Variants in KCNQ1 observed in about 807,000 individuals in gnomAD.
KCNQ1 encodes potassium voltage-gated channel subfamily Q member 1, also known as potassium voltage-gated channel subfamily KQT member 1.
KCNQ1 carries 49 observed loss-of-function variants against 72.4 expected under a neutral mutation model. That is an observed-to-expected ratio of 0.68 (90% CI 0.54 to 0.86). The LOEUF is 0.86. Ranked by LOEUF, KCNQ1 falls within the 40% of genes least tolerant of loss-of-function variation. KCNQ1 has a pLI of 0.00. For missense variants in KCNQ1, 790 were observed against 945.1 expected, an observed-to-expected ratio of 0.84 and a Z score of 2.15; for synonymous variants, 450 against 412.6, an observed-to-expected ratio of 1.09 and a Z score of -1.10.
intron 10 of KCNQ1, chr11:2,646,579 G>A: frequency 5.0e-6 from 2 of 398,626 alleles, no homozygotes; most frequent in South Asian, 1.3e-4. Flanking sequence ...AGGCTGGGGT[G>A]CAATGGTGCA....
chr11:2,633,936 G>A, intron 10 of KCNQ1: 1 of 398,510 alleles, frequency 2.5e-6, no homozygotes, highest in Non-Finnish European at 4.4e-6. Flanking sequence ...TAGATTATGG[G>A]GAAAATCCAC....
rs1358837167 is a variant in KCNQ1 at position 2,769,812 on chromosome 11, G to A, written c.1590+893G>A. ...GTGTCTGCAGGAGCAGGGCAGGGTG[G>A]GGCTTCTGAGCTGGGGGCCCCTGGC... On this transcript the variant is annotated intron_variant, in intron 12 of 15. Transcript: ENST00000155840. The surrounding 1 kb of genome is among the most constrained non-coding windows in gnomAD (Gnocchi z 4.6). 1.3e-5 allele frequency among the ~76,000 whole-genome samples: 2 copies of A among 152,062 alleles called. No homozygotes were observed. The highest frequency in any genetic ancestry group is 4.8e-5 in the African/African-American group (2 of 41,392).
chr11:2,829,553 G>A lies in KCNQ1; in HGVS notation c.1795-18214G>A, dbSNP rs146119716. Among the ~76,000 whole-genome samples, 720 of 152,270 alleles carry A rather than the reference G, an allele frequency of 4.7e-3. 3 individuals carry two copies. The highest frequency in any genetic ancestry group is 0.01 in the Middle Eastern group (3 of 294). ...GAGTTATATACTGTTTGTGTAAAAT[G>A]CAAACAGTAAGTACTTATTTAGCCT... On this transcript the variant is annotated intron_variant, in intron 15 of 15. Transcript: ENST00000155840.
chr11:2,608,393 T>G lies in KCNQ1; in HGVS notation c.1393+19539T>G, dbSNP rs1330441765. ...AATTTCATCTAAGTTTTATAATTTA[T>G]TGGCACAAAATTGTTCATAGTGTTC... On this transcript the variant is annotated intron_variant, in intron 10 of 15. Coordinates refer to ENST00000155840, the MANE Select transcript of KCNQ1 (RefSeq NM_000218.3). This position sits in a 1 kb window ranked among gnomAD's most constrained non-coding sequence, Gnocchi z 4.6. 2 of 398,652 alleles carry G rather than the reference T, an allele frequency of 5.0e-6. No individual in the cohort carries two copies. The highest frequency in any genetic ancestry group is 8.8e-6 in the Non-Finnish European group (2 of 226,060). 24.7% of individuals were successfully genotyped at this position (398,652 alleles called of 1,614,324 possible). A position where few individuals can be genotyped will look rare whatever the true frequency, so the allele number is the denominator to read the frequency against.
At chr11:2,733,857 C>CGCTCTTTCTCTCT (rs147278439) in intron 11 of KCNQ1, among the ~76,000 whole-genome samples, 813 of 76,322 alleles carry the variant, frequency 0.011, 71 homozygotes, top group African/African-American at 0.029. Flanking sequence ...CTCTCTCTCT[C>CGCTCTTTCTCTCT]CCCCCCCACT....
At chr11:2,812,102 A>G (rs1278913572) in intron 15 of KCNQ1, among the ~76,000 whole-genome samples, 1 of 152,016 alleles carries the variant, frequency 6.6e-6, no homozygotes, top group Admixed American at 6.6e-5. Flanking sequence ...CCAGGCACCC[A>G]TGCTCCCTGC....
At position 2,613,591 on chromosome 11, in the gene KCNQ1, T is replaced by G. The variant is rs1224248815; in HGVS notation, c.1393+24737T>G. The G allele has an allele frequency of 2.5e-6, 1 of 398,464 alleles. No homozygotes were observed. Among genetic ancestry groups the G allele is most frequent in the African/African-American group, 2.1e-5 (1 of 48,616 alleles). The allele number at this position is 398,464 out of a possible 1,614,324, so 24.7% of individuals were successfully genotyped here. ...ATATTTTTTCTTTAATTAGCACTTT[T>G]CAATTTTATATTTCTTTGTCCAGTT... On this transcript the variant is annotated intron_variant, in intron 10 of 15. Coordinates refer to ENST00000155840, the MANE Select transcript of KCNQ1 (RefSeq NM_000218.3). This position sits in a 1 kb window ranked among gnomAD's most constrained non-coding sequence, Gnocchi z 4.8.
At position 2,815,422 on chromosome 11, in the gene KCNQ1, G is replaced by C. The variant is rs781138444; in HGVS notation, c.1795-32345G>C. ...ATGCTGAGGCCCACAGGGTAGTTCT[G>C]AGTTCGGGGGACCCTCTCCTGGCCC... On this transcript the variant is annotated intron_variant, in intron 15 of 15. Transcript: ENST00000155840. This position sits in a 1 kb window ranked among gnomAD's most constrained non-coding sequence, Gnocchi z 5.4. 6.6e-6 allele frequency among the ~76,000 whole-genome samples: 1 copy of C among 152,152 alleles called. No individual in the cohort carries two copies. The highest frequency in any genetic ancestry group is 1.5e-5 in the Non-Finnish European group (1 of 68,018).
At chr11:2,470,843 T>C (rs1448280004) in intron 1 of KCNQ1, among the ~76,000 whole-genome samples, 1 of 152,206 alleles carries the variant, frequency 6.6e-6, no homozygotes, top group African/African-American at 2.4e-5. Flanking sequence ...GTTTTGACTT[T>C]GATGAAGTCC....
Position 2,703,018 on chromosome 11 carries a change from T to C in KCNQ1, c.1514+40937T>C, listed in dbSNP as rs1459303598. On this transcript the variant is annotated intron_variant, in intron 11 of 15. Transcript: ENST00000155840. This position sits in a 1 kb window ranked among gnomAD's most constrained non-coding sequence, Gnocchi z 6.4. ...AAAACAGGCCGAGACTGAGAGGGGT[T>C]TGTTGTCTCGTCGGGCGACAAGAGA... Among the ~76,000 whole-genome samples the C allele has an allele frequency of 1.3e-5, 2 of 152,090 alleles. No homozygotes were observed. Among genetic ancestry groups the C allele is most frequent in the Non-Finnish European group, 2.9e-5 (2 of 68,020 alleles).
rs1848123538 is a variant in KCNQ1 at position 2,559,320 on chromosome 11, C to A, written c.478-11308C>A. 6.6e-6 allele frequency among the ~76,000 whole-genome samples: 1 copy of A among 152,152 alleles called. No homozygotes were observed. The highest frequency in any genetic ancestry group is 1.5e-5 in the Non-Finnish European group (1 of 68,018). On this transcript the variant is annotated intron_variant, in intron 2 of 15. Coordinates refer to ENST00000155840, the MANE Select transcript of KCNQ1 (RefSeq NM_000218.3). The surrounding 1 kb of genome is among the most constrained non-coding windows in gnomAD (Gnocchi z 4.9). ...ATGTGTGAACATGGCTCCCCTTAGG[C>A]CAGGGGTAGACGCAGGCACAGGGAG... is the stretch of plus-strand genomic sequence containing the variant.
chr11:2,530,721 C>T (rs1847607486), intron 2 of KCNQ1, among the ~76,000 whole-genome samples: 2 of 152,170 alleles, frequency 1.3e-5, no homozygotes, highest in South Asian at 4.1e-4. Flanking sequence ...ACATGTGTAT[C>T]TGAGCGTGTA....
intron 1 of KCNQ1, among the ~76,000 whole-genome samples, chr11:2,520,010 C>A (rs552532734): frequency 6.6e-6 from 1 of 152,260 alleles, no homozygotes; most frequent in African/African-American, 2.4e-5. Flanking sequence ...CGCGGGAGCC[C>A]GCAGAGGCTG....
chr11:2,751,313 C>A (rs1011182681), intron 11 of KCNQ1, among the ~76,000 whole-genome samples: 15 of 152,238 alleles, frequency 9.9e-5, no homozygotes, highest in African/African-American at 1.9e-4. Context: ...TCCCACCCCC[C>A]ACTTGCAGAG....
chr11:2,831,879 G>C (rs1847958687), intron 15 of KCNQ1, among the ~76,000 whole-genome samples: 1 of 152,030 alleles, frequency 6.6e-6, no homozygotes, highest in African/African-American at 2.4e-5. Context: ...GGGTCCATGG[G>C]ATATGCCTGA....
intron 15 of KCNQ1, among the ~76,000 whole-genome samples, chr11:2,844,117 C>A (rs775986598): frequency 3.3e-5 from 5 of 152,210 alleles, no homozygotes; most frequent in East Asian, 3.9e-4. Context: ...CCAAAAAAAA[C>A]CAAACGTGCC....
rs1847324336 is a variant in KCNQ1 at position 2,803,938 on chromosome 11, A to G, written c.1794+25901A>G. Among the ~76,000 whole-genome samples, 1 of 151,258 alleles carries G rather than the reference A, an allele frequency of 6.6e-6. No individual in the cohort carries two copies. The highest frequency in any genetic ancestry group is 1.5e-5 in the Non-Finnish European group (1 of 67,898). ...CTGCTCCAGCCACCTGGCAGATCCC[A>G]CTCGGCTCACACAGAGCCTTGGCCA... On this transcript the variant is annotated intron_variant, in intron 15 of 15. Coordinates refer to ENST00000155840, the MANE Select transcript of KCNQ1 (RefSeq NM_000218.3). This position sits in a 1 kb window ranked among gnomAD's most constrained non-coding sequence, Gnocchi z 6.4.
chr11:2,606,939 G>A (rs191704894), intron 10 of KCNQ1, among the ~76,000 whole-genome samples: 1 of 115,072 alleles, frequency 8.7e-6, no homozygotes, highest in Non-Finnish European at 1.6e-5. Flanking sequence ...GTCTCGCTCT[G>A]TCACCCAGGC....
In KCNQ1 at chr11:2,683,811, T is replaced by C. The variant is rs2133883733; in HGVS notation, c.1514+21730T>C. The C allele has an allele frequency of 1.5e-5, 6 of 398,632 alleles. No individual in the cohort carries two copies. Among genetic ancestry groups the C allele is most frequent in the Middle Eastern group, 6.3e-4 (1 of 1,588 alleles). The allele number at this position is 398,632 out of a possible 1,614,324, so 24.7% of individuals were successfully genotyped here. A position where few individuals can be genotyped will look rare whatever the true frequency, so the allele number is the denominator to read the frequency against. The stretch of plus-strand genomic sequence containing the variant: ...CTCTATACCCCAAAATCCCAGCCAC[T>C]AGCTTGCAGAATGGCTTTGTTGGAT... On this transcript the variant is annotated intron_variant, in intron 11 of 15. Coordinates refer to ENST00000155840, the MANE Select transcript of KCNQ1 (RefSeq NM_000218.3). This position sits in a 1 kb window ranked among gnomAD's most constrained non-coding sequence, Gnocchi z 4.7.
Sources: allele counts gnomAD v4.1 joint callset (sites outside exome capture counted in the v4.1 genomes callset), GRCh38; gene constraint gnomAD v4.1.1; non-coding constraint Gnocchi (gnomAD v3.1); transcripts MANE v1.5; gene names NCBI Gene and HGNC (gene_info 2026-07-23, HGNC 2026-07-21).